The following DPF3 variants were observed in gnomAD, a reference collection of about 807,000 sequenced individuals.
DPF3 encodes the protein zinc finger protein DPF3.
Under a neutral mutation model 56.8 loss-of-function variants are expected in DPF3, and 18 were observed. The observed-to-expected ratio is 0.32, with a 90% CI of 0.22 to 0.47. The LOEUF is 0.47. Ranked by LOEUF, DPF3 falls within the 20% of genes least tolerant of loss-of-function variation. The pLI is 1.00. For missense variants in DPF3, 403 were observed against 488.8 expected (o/e 0.82, Z 1.65); for synonymous variants, 188 against 180.2 (o/e 1.04, Z -0.35).
intron 1 of DPF3, among the ~76,000 whole-genome samples, chr14:72,881,333 T>C (rs61988479): frequency 0.048 from 7,072 of 148,532 alleles, 229 homozygotes; most frequent in Non-Finnish European, 0.075. Context: ...GTTGTTGTTG[T>C]TGCTGTTGTT....
intron 6 of DPF3, among the ~76,000 whole-genome samples, chr14:72,703,273 G>A (rs927960147): frequency 2.0e-5 from 3 of 152,046 alleles, no homozygotes; most frequent in African/African-American, 4.8e-5. Context: ...GGAGACACAG[G>A]GGATTGGGGG....
At chr14:72,740,361 G>A (rs1336773555) in intron 3 of DPF3, among the ~76,000 whole-genome samples, 2 of 152,266 alleles carry the variant, frequency 1.3e-5, no homozygotes, top group Non-Finnish European at 2.9e-5. Flanking sequence ...CGGAGCAGAT[G>A]TGGGGTGACC....
intron 5 of DPF3, among the ~76,000 whole-genome samples, chr14:72,715,180 G>A (rs910973751): frequency 2.0e-5 from 3 of 152,202 alleles, no homozygotes; most frequent in South Asian, 2.1e-4. Context: ...AGCCAGTGAC[G>A]AAGACCTTGA....
At position 72,771,815 on chromosome 14, in the gene DPF3, C is replaced by T. The variant is rs1407936454; in HGVS notation, c.111G>A (p.Val37=). 1.2e-6 allele frequency: 2 copies of T among 1,613,860 alleles called. No homozygotes were observed. Among genetic ancestry groups the T allele is most frequent in the Non-Finnish European group, 1.7e-6 (2 of 1,179,826 alleles). ...YNSRLCAERS[V]RLPFLDSQTG... is the part of the protein sequence containing the mutation. ...TCTGTGAGTCCAGGAAGGGAAGACG[C>T]ACGCTGCGCTCTGCACACAGCCGTG... The change falls in exon 2 of 11, where the codon GTG becomes GTA. Residue 37 remains valine, a synonymous_variant. Coordinates refer to ENST00000556509, the MANE Select transcript of DPF3 (RefSeq NM_001280542.3).
At position 72,708,264 on chromosome 14, in the gene DPF3, G is replaced by A. The variant is rs544361364; in HGVS notation, c.604+6159C>T. ...AGCCCTGCCTCTGGCCAGTCCTGCC[G>A]GAACACCTGCAACCTGTGTCCATGA... On this transcript the variant is annotated intron_variant, in intron 6 of 10. Transcript: ENST00000556509. Among the ~76,000 whole-genome samples the A allele has an allele frequency of 3.3e-4, 51 of 152,270 alleles. No homozygotes were observed. In the South Asian group the frequency reaches 7.3e-3, roughly 22 times the overall value.
chr14:72,613,830 C>T lies in DPF3; in HGVS notation c.*5467G>A, dbSNP rs568424204. ...GCCTGGGCTGCGCACATGGAGGGGG[C>T]GCCCGCCGCACAGCCAGGCCTCCCC... is the stretch of plus-strand genomic sequence containing the variant. On this transcript the variant is annotated 3_prime_UTR_variant, in exon 11 of 11. Transcript: ENST00000556509. Among the ~76,000 whole-genome samples the T allele has an allele frequency of 4.6e-5, 7 of 152,254 alleles. No homozygotes were observed. Among genetic ancestry groups the T allele is most frequent in the Admixed American group, 2.0e-4 (3 of 15,304 alleles).
At position 72,615,291 on chromosome 14, in the gene DPF3, C is replaced by T. The variant is rs1181609768; in HGVS notation, c.*4006G>A. ...CCCAAAGAGGAGACTATAAGCCCCT[C>T]TTCTTTGAGTCCTGAGGCCTGAGGT... On this transcript the variant is annotated 3_prime_UTR_variant, in exon 11 of 11. Coordinates refer to ENST00000556509, the MANE Select transcript of DPF3 (RefSeq NM_001280542.3). Among the ~76,000 whole-genome samples, 2 of 152,168 alleles carry T rather than the reference C, an allele frequency of 1.3e-5. No individual in the cohort carries two copies. Among genetic ancestry groups the T allele is most frequent in the African/African-American group, 4.8e-5 (2 of 41,442 alleles).
intron 5 of DPF3, among the ~76,000 whole-genome samples, chr14:72,722,023 T>C (rs1889195418): frequency 6.6e-6 from 1 of 152,106 alleles, no homozygotes; most frequent in African/African-American, 2.4e-5. Context: ...AAACCAACTA[T>C]AAAATGGCAT....
At chr14:72,735,804 T>C (rs1889867863) in intron 3 of DPF3, among the ~76,000 whole-genome samples, 1 of 152,218 alleles carries the variant, frequency 6.6e-6, no homozygotes, top group Non-Finnish European at 1.5e-5. Context: ...GGTGTGGTCA[T>C]AGTATCTATT....
chr14:72,628,636 A>AAGAG (rs148707360), intron 9 of DPF3, among the ~76,000 whole-genome samples: 1 of 149,696 alleles, frequency 6.7e-6, no homozygotes, highest in African/African-American at 2.4e-5. Context: ...GTCTTGCCAA[A>AAGAG]AGAGAGAGAG....
At chr14:72,696,403 C>T (rs547379731) in intron 6 of DPF3, among the ~76,000 whole-genome samples, 2 of 152,312 alleles carry the variant, frequency 1.3e-5, no homozygotes, top group East Asian at 3.9e-4. Flanking sequence ...GGCATTTCTC[C>T]TTTAGACTCC....
At chr14:72,757,524 A>G (rs540664257) in intron 2 of DPF3, among the ~76,000 whole-genome samples, 23 of 152,252 alleles carry the variant, frequency 1.5e-4, no homozygotes, top group African/African-American at 4.6e-4. Flanking sequence ...CCGAGGAACT[A>G]AAGAGGAATA....
chr14:72,630,778 C>T (rs933087823), intron 8 of DPF3, among the ~76,000 whole-genome samples: 7 of 152,202 alleles, frequency 4.6e-5, no homozygotes, highest in Non-Finnish European at 1.0e-4. Context: ...TGCCCAGTGC[C>T]GAGCACTCAC....
intron 3 of DPF3, 105 bp from the exon 4 acceptor site, chr14:72,732,039 G>C: frequency 7.0e-7 from 1 of 1,422,802 alleles, no homozygotes; most frequent in Non-Finnish European, 9.4e-7. Context: ...AGGAGGACTC[G>C]GGGCCTGTGC....
At chr14:72,629,929 C>T (rs2153566995) in intron 8 of DPF3, among the ~76,000 whole-genome samples, 193 bp from the exon 9 acceptor site, 1 of 152,274 alleles carries the variant, frequency 6.6e-6, no homozygotes, top group African/African-American at 2.4e-5. Context: ...AAGGGCAAAA[C>T]AGAGATATAA....
At chr14:72,730,138 A>G (rs1889579576) in intron 4 of DPF3, among the ~76,000 whole-genome samples, 1 of 151,972 alleles carries the variant, frequency 6.6e-6, no homozygotes, top group Non-Finnish European at 1.5e-5. Context: ...TGAGAAGACA[A>G]CCGCAGCAGT....
intron 6 of DPF3, among the ~76,000 whole-genome samples, chr14:72,703,334 CTGG>C (rs1221294683): frequency 2.0e-5 from 3 of 152,260 alleles, no homozygotes; most frequent in African/African-American, 7.2e-5. Flanking sequence ...TTCTTGGGGC[CTGG>C]TGGTGACCCA....
intron 1 of DPF3, among the ~76,000 whole-genome samples, chr14:72,875,607 C>T (rs1429736022): frequency 6.6e-6 from 1 of 152,236 alleles, no homozygotes; most frequent in Non-Finnish European, 1.5e-5. Flanking sequence ...AGGCTGCACC[C>T]AAGCCGTGGG....
chr14:72,639,047 A>T (rs1050572054), intron 8 of DPF3, among the ~76,000 whole-genome samples: 1 of 152,062 alleles, frequency 6.6e-6, no homozygotes. Context: ...TCGATCTCCT[A>T]ACCTTGCGAT....
Sources: gnomAD v4.1 joint callset for allele counts (sites outside exome capture counted in the v4.1 genomes callset) on GRCh38, gnomAD v4.1.1 for gene constraint, MANE v1.5 for transcripts, NCBI Gene and HGNC (gene_info 2026-07-23, HGNC 2026-07-21) for gene names.